The following SNX5 variants were observed in gnomAD, a reference collection of about 807,000 sequenced individuals.
SNX5 encodes sorting nexin-5.
Under a neutral mutation model 53.9 loss-of-function variants are expected in SNX5, and 31 were observed. The observed-to-expected ratio is 0.58, with a 90% CI of 0.43 to 0.78. SNX5 has a LOEUF of 0.78. Among genes scored for constraint, SNX5 ranks in the 30% least tolerant of loss-of-function variants. SNX5 has a pLI of 0.00. For missense variants in SNX5, 471 were observed against 478.8 expected, an observed-to-expected ratio of 0.98 and a Z score of 0.15; for synonymous variants, 168 against 171.1, an observed-to-expected ratio of 0.98 and a Z score of 0.14.
At chr20:17,958,403 C>A (rs886212780) in intron 1 of SNX5, among the ~76,000 whole-genome samples, 1 of 152,200 alleles carries the variant, frequency 6.6e-6, no homozygotes, top group African/African-American at 2.4e-5. Flanking sequence ...TAAATATATT[C>A]ACTAAAAGCA....
At chr20:17,947,963 A>G (rs1270653835) in intron 10 of SNX5, among the ~76,000 whole-genome samples, 1 of 152,246 alleles carries the variant, frequency 6.6e-6, no homozygotes, top group Non-Finnish European at 1.5e-5. Context: ...AACTTGAAAT[A>G]TACAGTCACT....
intron 12 of SNX5, 198 bp downstream of exon 12, chr20:17,942,912 A>AGGG (rs200521531): frequency 4.3e-6 from 2 of 464,076 alleles, no homozygotes; most frequent in Middle Eastern, 6.1e-4. Flanking sequence ...AAAAAAAAAA[A>AGGG]GTTGCTAAAA....
chr20:17,947,346 G>A lies in SNX5; in HGVS notation c.1078+140C>T, dbSNP rs191334678. The A allele has an allele frequency of 1.3e-4, 104 of 828,130 alleles. No individual in the cohort carries two copies. The African/African-American group carries it at 1.7e-3, about 13-fold the overall frequency. The allele number at this position is 828,130 out of a possible 1,614,324, so 51.3% of individuals were successfully genotyped here. ...CAAAGCCATGAGGATGACTGTGCATGTGCAAGTGATAAGGCAGAGGGGTGA... is the reference window on the plus strand; with the variant it reads ...CAAAGCCATGAGGATGACTGTGCATATGCAAGTGATAAGGCAGAGGGGTGA... On this transcript the variant is annotated intron_variant, in intron 11 of 12. Coordinates refer to ENST00000377759, the MANE Select transcript of SNX5 (RefSeq NM_014426.4).
chr20:17,952,546 C>T lies in SNX5; in HGVS notation c.513+41G>A, dbSNP rs1014476435. ...ATCAAGTACATTTTGAAAGTATAAA[C>T]ATTTGAAGTGGATTATCAAAATGGA... On this transcript the variant is annotated intron_variant, in intron 5 of 12. Transcript: ENST00000377759. 2.5e-6 allele frequency: 4 copies of T among 1,589,746 alleles called. No homozygotes were observed. The African/African-American group carries it at 4.1e-5, about 16-fold the overall frequency.
At chr20:17,943,444 G>A in intron 11 of SNX5, 1 of 446,000 alleles carries the variant, frequency 2.2e-6, no homozygotes, top group Non-Finnish European at 4.1e-6. Context: ...GAGAGCAGCA[G>A]CTTATGACTT....
At chr20:17,961,084 A>AAGG (rs1376641685) in intron 1 of SNX5, 1 of 960,018 alleles carries the variant, frequency 1.0e-6, no homozygotes, top group African/African-American at 1.8e-5. Flanking sequence ...TAAGAGAGCC[A>AAGG]AGGCACTTCC....
chr20:17,954,440 G>A (rs2035320169), intron 3 of SNX5, among the ~76,000 whole-genome samples: 1 of 152,134 alleles, frequency 6.6e-6, no homozygotes, highest in African/African-American at 2.4e-5. Context: ...AAGCACCAAA[G>A]ATGAGCCATC....
intron 12 of SNX5, 79 bp downstream of exon 12, chr20:17,943,031 T>C (rs560214008): frequency 2.0e-6 from 2 of 982,436 alleles, no homozygotes; most frequent in South Asian, 1.3e-5. Context: ...AACTGCCTGA[T>C]GACAATGGGT....
intron 1 of SNX5, chr20:17,967,940 CA>C (rs567695305): frequency 7.9e-5 from 31 of 394,420 alleles, no homozygotes; most frequent in African/African-American, 6.1e-4. Context: ...GCCCCCCCCC[CA>C]AAAAAGTCTT....
intron 1 of SNX5, among the ~76,000 whole-genome samples, chr20:17,963,812 G>A (rs2035495360): frequency 6.6e-6 from 1 of 152,240 alleles, no homozygotes; most frequent in Admixed American, 6.5e-5. Context: ...CAGTGGTAGA[G>A]CTGCCTGTTT....
chr20:17,958,158 G>A (rs1253915174), intron 1 of SNX5, among the ~76,000 whole-genome samples: 2 of 152,154 alleles, frequency 1.3e-5, no homozygotes, highest in South Asian at 2.1e-4. Flanking sequence ...AACTCATAGC[G>A]TAAGCATCTC....
At chr20:17,960,439 CAAA>C (rs1287241303) in intron 1 of SNX5, among the ~76,000 whole-genome samples, 1 of 152,158 alleles carries the variant, frequency 6.6e-6, no homozygotes, top group Non-Finnish European at 1.5e-5. Context: ...ACCAAAAATA[CAAA>C]AATTAGCTGG....
At chr20:17,944,477 A>C (rs1200753595) in intron 11 of SNX5, 1 of 152,242 alleles carries the variant, frequency 6.6e-6, no homozygotes, top group Non-Finnish European at 1.5e-5. Context: ...AACAGTGAAA[A>C]ACTGCTACAC....
chr20:17,951,950 G>A lies in SNX5; in HGVS notation c.514-355C>T, dbSNP rs535116865. 1.2e-3 allele frequency among the ~76,000 whole-genome samples: 177 copies of A among 152,348 alleles called. 1 individual carries two copies. Among genetic ancestry groups the A allele is most frequent in the Admixed American group, 9.6e-3 (147 of 15,304 alleles). ...TAAAAGTCATAATTCGCGGCCGGGCGCAGTGGCTCACGCCTGTAATCCCAG... is the reference window on the plus strand; with the variant it reads ...TAAAAGTCATAATTCGCGGCCGGGCACAGTGGCTCACGCCTGTAATCCCAG... On this transcript the variant is annotated intron_variant, in intron 5 of 12. Transcript: ENST00000377759.
chr20:17,965,230 G>A (rs942006308), intron 1 of SNX5, among the ~76,000 whole-genome samples: 6 of 152,150 alleles, frequency 3.9e-5, no homozygotes, highest in Non-Finnish European at 5.9e-5. Flanking sequence ...GGAGGAGGCC[G>A]CGTCCTAGCA....
rs1056073130 is a variant in SNX5, at chr20:17,968,767, T to C, written c.-342A>G. The C allele has an allele frequency of 1.5e-5, 5 of 339,678 alleles. No homozygotes were observed. The highest frequency in any genetic ancestry group is 8.7e-5 in the African/African-American group (4 of 45,918). 21.0% of individuals were successfully genotyped at this position (339,678 alleles called of 1,614,324 possible). A position where few individuals can be genotyped will look rare whatever the true frequency, so the allele number is the denominator to read the frequency against. On this transcript the variant is annotated 5_prime_UTR_variant, in exon 1 of 13. Transcript: ENST00000377759. ...GACACGGACGGGAAGCAACGGACAC[T>C]CTCCCAGCAAGACGCGTCTAGAGAA...
intron 1 of SNX5, among the ~76,000 whole-genome samples, chr20:17,960,244 T>C (rs1419160100): frequency 1.3e-5 from 2 of 151,980 alleles, no homozygotes; most frequent in Non-Finnish European, 2.9e-5. Flanking sequence ...GCAGATCACT[T>C]GAGGTCAGGA....
At chr20:17,943,307 G>C (rs1238336560) in intron 11 of SNX5, 112 bp from the exon 12 acceptor site, 7 of 739,970 alleles carry the variant, frequency 9.5e-6, no homozygotes, top group Non-Finnish European at 1.7e-5. Context: ...TCAGGCACCA[G>C]CATTATTTCC....
intron 11 of SNX5, chr20:17,943,437 A>G: frequency 4.3e-6 from 2 of 465,032 alleles, no homozygotes; most frequent in Non-Finnish European, 7.8e-6. Flanking sequence ...TGAGTGGGAG[A>G]GCAGCAGCTT....
Sources: allele counts gnomAD v4.1 joint callset (sites outside exome capture counted in the v4.1 genomes callset), GRCh38; gene constraint gnomAD v4.1.1; transcripts MANE v1.5; gene names NCBI Gene and HGNC (gene_info 2026-07-23, HGNC 2026-07-21).